The following RNPEPL1 variants were observed in gnomAD, a reference collection of about 807,000 sequenced individuals.
RNPEPL1 encodes the protein arginyl aminopeptidase like 1, also known as aminopeptidase RNPEPL1.
In RNPEPL1, 46 loss-of-function variants were observed where a neutral mutation model predicts 69.0. That is an observed-to-expected ratio of 0.67 (90% confidence interval 0.53 to 0.85). The LOEUF is 0.85. RNPEPL1 is among the 40% of genes least tolerant of loss of function. RNPEPL1 has a pLI of 0.00. For synonymous variants in RNPEPL1, 525 were observed against 454.1 expected, an observed-to-expected ratio of 1.16 and a Z score of -1.98; for missense variants, 869 against 992.5, an observed-to-expected ratio of 0.88 and a Z score of 1.67.
At chr2:240,574,692 G>A in intron 6 of RNPEPL1, 64 bp downstream of exon 6, 1 of 1,329,758 alleles carries the variant, frequency 7.5e-7, no homozygotes, top group South Asian at 1.2e-5. Flanking sequence ...CTCCTTGCCT[G>A]CCCTTCGTGT....
intron 1 of RNPEPL1, 23 bp from the exon 2 acceptor site, chr2:240,572,400 C>T: frequency 2.0e-6 from 3 of 1,535,306 alleles, no homozygotes; most frequent in Middle Eastern, 1.7e-4. Flanking sequence ...TGGCCGTCTG[C>T]TGATGGGCCA....
In RNPEPL1 at chr2:240,579,808, G is replaced by T. The variant is rs2093048087; in HGVS notation, c.*1916G>T. 6.6e-6 allele frequency: 1 copy of T among 152,280 alleles called. No homozygotes were observed. The highest frequency in any genetic ancestry group is 1.5e-5 in the Non-Finnish European group (1 of 68,086). 9.4% of individuals were successfully genotyped at this position (152,280 alleles called of 1,614,324 possible). ...TCTCAGCCTCTTCCCCGCCAAGGTTGTTTTCAAGTCCCAGCAGTCACAGAC... is the reference window on the plus strand; with the variant it reads ...TCTCAGCCTCTTCCCCGCCAAGGTTTTTTTCAAGTCCCAGCAGTCACAGAC... On this transcript the variant is annotated 3_prime_UTR_variant, in exon 11 of 11. Coordinates refer to ENST00000270357, the MANE Select transcript of RNPEPL1 (RefSeq NM_018226.6).
chr2:240,569,176 C>A, intron 1 of RNPEPL1, 62 bp downstream of exon 1: 1 of 1,365,414 alleles, frequency 7.3e-7, no homozygotes, highest in Non-Finnish European at 9.4e-7. Context: ...AGCGGCCTCT[C>A]GCCGCACGGC....
rs1430302041 is a variant in RNPEPL1, at chr2:240,577,008, G to A, written c.1884+18G>A. ...AGAGCCAGGTGCGGTCACCTGCCCA[G>A]GGGGCCAGCCTGGAACGGCCTAGCC... On this transcript the variant is annotated intron_variant, in intron 10 of 10. Transcript: ENST00000270357. The A allele has an allele frequency of 2.5e-6, 4 of 1,612,128 alleles. No individual in the cohort carries two copies. The highest frequency in any genetic ancestry group is 3.4e-6 in the Non-Finnish European group (4 of 1,179,686).
chr2:240,569,446 G>A (rs1353957363), intron 1 of RNPEPL1, among the ~76,000 whole-genome samples: 1 of 152,240 alleles, frequency 6.6e-6, no homozygotes, highest in African/African-American at 2.4e-5. Context: ...TGTCAGCTGC[G>A]GAAGGGCCTC....
Position 240,577,839 on chromosome 2 carries a change from G to A in RNPEPL1, c.2125G>A (p.Asp709Asn), listed in dbSNP as rs761621340. 6 of 1,592,622 alleles carry A rather than the reference G, an allele frequency of 3.8e-6. No homozygotes were observed. The South Asian group carries it at 5.5e-5, about 15-fold the overall frequency. Residue 709 changes from aspartate (D) to asparagine (N), a missense_variant, in exon 11 of 11, where the codon GAC becomes AAC. Physicochemically the swap from Asp to Asn is conservative, Grantham distance 23. Transcript: ENST00000270357. Reference sequence around the variant, plus strand: ...GGACGCACAGGCCCTGCTGCTTGGGGACGAGGCCCCCAGCAGTGCCATCTC... The same window carrying A: ...GGACGCACAGGCCCTGCTGCTTGGGAACGAGGCCCCCAGCAGTGCCATCTC... ...DSDAQALLLGDEAPSSAISLR... is the reference protein window; with the variant it reads ...DSDAQALLLGNEAPSSAISLR...
chr2:240,575,067 C>T lies in RNPEPL1; in HGVS notation c.1326C>T (p.Tyr442=), dbSNP rs752810003. The change falls in exon 7 of 11, where the codon TAC becomes TAT. Residue 442 remains tyrosine, a synonymous_variant. Transcript: ENST00000270357. ...NPSHLMNLFT[Y]EKGYCFVYYL... is the part of the protein sequence containing the mutation. ...GCCACCTGATGAACCTGTTCACCTA[C>T]GAGAAGGGCTACTGCTTCGTGTACT... The T allele has an allele frequency of 2.7e-5, 44 of 1,613,712 alleles. No individual in the cohort carries two copies. Among genetic ancestry groups the T allele is most frequent in the African/African-American group, 4.0e-5 (3 of 74,946 alleles).
rs527606577 is a variant in RNPEPL1, at chr2:240,576,233, C to T, written c.1511-302C>T. 4 of 470,660 alleles carry T rather than the reference C, an allele frequency of 8.5e-6. No individual in the cohort carries two copies. In the South Asian group the frequency reaches 9.7e-5, roughly 11 times the overall value. 29.2% of individuals were successfully genotyped at this position (470,660 alleles called of 1,614,324 possible). On this transcript the variant is annotated intron_variant, in intron 8 of 10. Coordinates refer to ENST00000270357, the MANE Select transcript of RNPEPL1 (RefSeq NM_018226.6). ...GGTTCATGGCGCAGGTGGCCTCCAC[C>T]AGCACTGAGGTTGGGTTTAGACTAC...
intron 1 of RNPEPL1, among the ~76,000 whole-genome samples, chr2:240,571,233 T>C (rs2093020537): frequency 6.6e-6 from 1 of 152,076 alleles, no homozygotes; most frequent in Admixed American, 6.5e-5. Flanking sequence ...AACAGGAAGT[T>C]TGGAAGAGAT....
Position 240,573,116 on chromosome 2 carries a change from T to C in RNPEPL1, c.676T>C (p.Ser226Pro). ...CTYSAVVKAP[S>P]GVQVLMSATR... ...CAGTCCGGCCTCCTTACAGGCGCCATCGGGGGTGCAGGTGCTGATGAGTGC... is the reference window on the plus strand; with the variant it reads ...CAGTCCGGCCTCCTTACAGGCGCCACCGGGGGTGCAGGTGCTGATGAGTGC... The change falls in exon 3 of 11, where the codon TCG (serine) becomes CCG (proline). Residue 226 changes from serine (S) to proline (P), a missense_variant. Ser to Pro is a moderately conservative substitution (Grantham distance 74). This residue lies in a region of RNPEPL1 where 610 missense variants were observed against 790.9 expected (regional missense o/e 0.77). Transcript: ENST00000270357. 1.2e-6 allele frequency: 2 copies of C among 1,605,532 alleles called. No individual in the cohort carries two copies. Among genetic ancestry groups the C allele is most frequent in the Non-Finnish European group, 1.7e-6 (2 of 1,176,226 alleles).
chr2:240,574,729 C>A, intron 6 of RNPEPL1, 101 bp downstream of exon 6: 2 of 1,082,984 alleles, frequency 1.8e-6, no homozygotes, highest in Non-Finnish European at 2.7e-6. Context: ...CTCTGTCCTG[C>A]ACTGTGCCTG....
intron 3 of RNPEPL1, 68 bp downstream of exon 3, chr2:240,573,329 G>A (rs897125384): frequency 2.0e-5 from 30 of 1,486,754 alleles, no homozygotes; most frequent in Non-Finnish European, 2.5e-5. Flanking sequence ...GGGGGTCTGT[G>A]GCCTGTGTCC....
intron 9 of RNPEPL1, 24 bp from the exon 10 acceptor site, chr2:240,576,824 C>T (rs76791955): frequency 0.055 from 88,448 of 1,612,828 alleles, 2,721 homozygotes; most frequent in South Asian, 0.073. Context: ...GCGGCCCAGC[C>T]CTGACCTGCC....
rs746084091 is a variant in RNPEPL1, at chr2:240,572,503, C to T, written c.609C>T (p.Arg203=). 6.5e-7 allele frequency: 1 copy of T among 1,536,304 alleles called. No homozygotes were observed. The highest frequency in any genetic ancestry group is 1.2e-5 in the South Asian group (1 of 84,070). Residue 203 remains arginine (R), a synonymous_variant, in exon 2 of 11, where the codon CGC becomes CGT. Coordinates refer to ENST00000270357, the MANE Select transcript of RNPEPL1 (RefSeq NM_018226.6). ...CCCAGGGCCACTCCGTGTGCAACCG[C>T]TCCTTCTTCCCGTGCTTCGACACAC... ...VFTQGHSVCN[R]SFFPCFDTPA... is the part of the protein sequence containing the mutation.
At position 240,574,853 on chromosome 2, in the gene RNPEPL1, C is replaced by T. The variant is rs1169056216; in HGVS notation, c.1289-177C>T. 10 of 665,148 alleles carry T rather than the reference C, an allele frequency of 1.5e-5. No homozygotes were observed. The South Asian group carries it at 1.5e-4, about 10-fold the overall frequency. The allele number at this position is 665,148 out of a possible 1,614,324, so 41.2% of individuals were successfully genotyped here. ...CAGCAGTCACAGTGGTGTGTGAGTC[C>T]TCAGTCTTCCCCGAGGCCCTGCCGC... On this transcript the variant is annotated intron_variant, in intron 6 of 10. Coordinates refer to ENST00000270357, the MANE Select transcript of RNPEPL1 (RefSeq NM_018226.6).
At position 240,568,863 on chromosome 2, in the gene RNPEPL1, G is replaced by GC; in HGVS notation, c.282dup (p.Ala95ArgfsTer209). The stretch of plus-strand genomic sequence containing the variant: ...CCTGCACTCAGCCGCCTTCCGTCGC[G>GC]CCCCCGCCGCCGCCGCCGAGACGCC... On this transcript the variant is annotated frameshift_variant, in exon 1 of 11. Transcript: ENST00000270357. LOFTEE classifies it high-confidence loss of function. The surrounding 1 kb of genome is among the most constrained non-coding windows in gnomAD (Gnocchi z 6.2). 5 of 1,200,644 alleles carry GC rather than the reference G, an allele frequency of 4.2e-6. No individual in the cohort carries two copies. The highest frequency in any genetic ancestry group is 2.5e-5 in the South Asian group (1 of 40,622). 74.4% of individuals were successfully genotyped at this position (1,200,644 alleles called of 1,614,324 possible). A position where few individuals can be genotyped will look rare whatever the true frequency, so the allele number is the denominator to read the frequency against.
At position 240,574,198 on chromosome 2, in the gene RNPEPL1, G is replaced by A; in HGVS notation, c.1024G>A (p.Glu342Lys). Reference protein sequence around the residue: ...CLTFIISSILESDEFLVIDVI... With the variant: ...CLTFIISSILKSDEFLVIDVI... Reference sequence around the variant, plus strand: ...CACCTTCATCATCTCCTCCATCCTGGAGAGCGATGAGTTCCTGGTCATCGA... The same window carrying A: ...CACCTTCATCATCTCCTCCATCCTGAAGAGCGATGAGTTCCTGGTCATCGA... The change falls in exon 5 of 11, where the codon GAG becomes AAG. Residue 342 changes from glutamate (E) to lysine (K), a missense_variant. Glu to Lys is a moderately conservative substitution (Grantham distance 56). Coordinates refer to ENST00000270357, the MANE Select transcript of RNPEPL1 (RefSeq NM_018226.6). 6.2e-7 allele frequency: 1 copy of A among 1,613,500 alleles called. No individual in the cohort carries two copies. The highest frequency in any genetic ancestry group is 1.1e-5 in the South Asian group (1 of 91,078).
rs545714116 is a variant in RNPEPL1 at position 240,575,380 on chromosome 2, C to T, written c.1402-122C>T. 36 of 891,114 alleles carry T rather than the reference C, an allele frequency of 4.0e-5. No individual in the cohort carries two copies. In the East Asian group the frequency reaches 7.6e-4, roughly 19 times the overall value. 55.2% of individuals were successfully genotyped at this position (891,114 alleles called of 1,614,324 possible). ...CCAAGTGCTGGCTCCGCAGTGCCCACTAGCTGCCCCTGTGCCCAGCACGTA... is the reference window on the plus strand; with the variant it reads ...CCAAGTGCTGGCTCCGCAGTGCCCATTAGCTGCCCCTGTGCCCAGCACGTA... On this transcript the variant is annotated intron_variant, in intron 7 of 10. Transcript: ENST00000270357.
In RNPEPL1 at chr2:240,576,942, C is replaced by G; in HGVS notation, c.1836C>G (p.Asn612Lys). Residue 612 changes from asparagine to lysine, a missense_variant, in exon 10 of 11, where the codon AAC (asparagine) becomes AAG (lysine). Asn to Lys is a moderately conservative substitution (Grantham distance 94). Coordinates refer to ENST00000270357, the MANE Select transcript of RNPEPL1 (RefSeq NM_018226.6). The stretch of plus-strand genomic sequence containing the variant: ...GCTGGCTGCAGATTGTGGTCCGCAA[C>G]GACTACTATCCTGACCTCCACAGGG... ...RIRWLQIVVR[N>K]DYYPDLHRVR... The G allele has an allele frequency of 6.2e-7, 1 of 1,613,508 alleles. No homozygotes were observed. The highest frequency in any genetic ancestry group is 8.5e-7 in the Non-Finnish European group (1 of 1,179,974).
Sources: gnomAD v4.1 joint callset for allele counts (sites outside exome capture counted in the v4.1 genomes callset) on GRCh38, gnomAD v4.1.1 for gene constraint, gnomAD v4.1.1 regional missense constraint, Gnocchi (gnomAD v3.1) non-coding constraint, MANE v1.5 for transcripts, NCBI Gene and HGNC (gene_info 2026-07-23, HGNC 2026-07-21) for gene names.